CD44: variants seen among roughly 807,000 people sequenced by gnomAD.
The protein encoded by CD44 is CD44 antigen.
In CD44, 49 loss-of-function variants were observed where a neutral mutation model predicts 88.8. That is an observed-to-expected ratio of 0.55 (90% confidence interval 0.44 to 0.70). CD44 has a LOEUF of 0.70. CD44 is among the 30% of genes least tolerant of loss of function. CD44 has a pLI of 0.00. For missense variants in CD44, 883 were observed against 913.8 expected (o/e 0.97, Z 0.43); for synonymous variants, 325 against 312.3 (o/e 1.04, Z -0.43).
At position 35,182,704 on chromosome 11, in the gene CD44, G is replaced by C. The variant is rs151179554; in HGVS notation, c.367+2297G>C. 2.6e-3 allele frequency among the ~76,000 whole-genome samples: 392 copies of C among 152,328 alleles called. 1 individual carries two copies. Among genetic ancestry groups the C allele is most frequent in the African/African-American group, 9.0e-3 (373 of 41,564 alleles). ...CAGAGGGAGACATTGGGAAAAGCTT[G>C]TGCTTTAGATGAAGAGGTTGACTCA... On this transcript the variant is annotated intron_variant, in intron 3 of 17. Coordinates refer to ENST00000428726, the MANE Select transcript of CD44 (RefSeq NM_000610.4).
chr11:35,200,301 G>T (rs1947189341), intron 7 of CD44, among the ~76,000 whole-genome samples: 1 of 152,134 alleles, frequency 6.6e-6, no homozygotes, highest in Non-Finnish European at 1.5e-5. Flanking sequence ...TGATCCTTCT[G>T]TTAGGTGCAT....
At chr11:35,190,147 C>T (rs1374094576) in intron 5 of CD44, 82 bp downstream of exon 5, 21 of 1,208,464 alleles carry the variant, frequency 1.7e-5, no homozygotes, top group South Asian at 2.5e-5. Flanking sequence ...TGCACACTCA[C>T]GTGCTGATTT....
At chr11:35,163,729 C>A (rs1942928504) in intron 1 of CD44, among the ~76,000 whole-genome samples, 1 of 152,130 alleles carries the variant, frequency 6.6e-6, no homozygotes, top group Non-Finnish European at 1.5e-5. Flanking sequence ...TCCCTCCCCC[C>A]AGCTAAATGT....
At chr11:35,220,717 C>T (rs1039354224) in intron 16 of CD44, among the ~76,000 whole-genome samples, 4 of 148,742 alleles carry the variant, frequency 2.7e-5, no homozygotes, top group Non-Finnish European at 6.0e-5. Context: ...CAATTATTAT[C>T]AATCTCACCA....
At chr11:35,159,364 A>C (rs1187411447) in intron 1 of CD44, among the ~76,000 whole-genome samples, 1 of 152,184 alleles carries the variant, frequency 6.6e-6, no homozygotes, top group Non-Finnish European at 1.5e-5. Flanking sequence ...GAGTATTTAC[A>C]TGTGTGTCGG....
At chr11:35,196,559 T>G (rs773125263) in intron 5 of CD44, among the ~76,000 whole-genome samples, 187 bp from the exon 6 acceptor site, 4 of 152,186 alleles carry the variant, frequency 2.6e-5, no homozygotes, top group Non-Finnish European at 4.4e-5. Context: ...CTCTCTGACA[T>G]TCTATAAACT....
chr11:35,180,267 C>G lies in CD44; in HGVS notation c.234-7C>G. The G allele has an allele frequency of 6.2e-7, 1 of 1,613,716 alleles. No homozygotes were observed. The highest frequency in any genetic ancestry group is 2.2e-5 in the East Asian group (1 of 44,872). The stretch of plus-strand genomic sequence containing the variant: ...TAGGTCAATATCCTGTTGTTTTTCT[C>G]TTACAGGTATGGGTTCATAGAAGGG... On this transcript the variant is annotated splice_region_variant and splice_polypyrimidine_tract_variant and intron_variant, in intron 2 of 17. Transcript: ENST00000428726.
intron 5 of CD44, among the ~76,000 whole-genome samples, chr11:35,194,169 G>A (rs1452845755): frequency 1.3e-5 from 2 of 152,162 alleles, no homozygotes; most frequent in African/African-American, 4.8e-5. Flanking sequence ...GCTTGATTTT[G>A]CTTTGATCAT....
rs1709669332 is a variant in CD44, at chr11:35,186,705, G to T, written c.368-127G>T. On this transcript the variant is annotated intron_variant, in intron 3 of 17. Coordinates refer to ENST00000428726, the MANE Select transcript of CD44 (RefSeq NM_000610.4). ...AGAGAAATTCCTAGCCAACTTAGGA[G>T]TTTCGGAAAAAGAAAGTTATTTGGA... is the stretch of plus-strand genomic sequence containing the variant. 8 of 603,846 alleles carry T rather than the reference G, an allele frequency of 1.3e-5. No homozygotes were observed. In the South Asian group the frequency reaches 1.7e-4, roughly 13 times the overall value. 37.4% of individuals were successfully genotyped at this position (603,846 alleles called of 1,614,324 possible).
intron 17 of CD44, among the ~76,000 whole-genome samples, chr11:35,225,825 C>G (rs1398917962): frequency 1.3e-5 from 2 of 151,798 alleles, no homozygotes; most frequent in African/African-American, 4.9e-5. Context: ...AAAAACAAAA[C>G]AAAACAAACA....
rs776380188 is a variant in CD44, at chr11:35,210,006, T to C, written c.1558T>C (p.Leu520=). Residue 520 remains leucine (L), a synonymous_variant, in exon 13 of 18, where the codon TTG becomes CTG. Transcript: ENST00000428726. ...GAGCTTCTCTACATCACATGAAGGC[T>C]TGGAAGAAGATAAAGACCATCCAAC... ...SQSFSTSHEG[L]EEDKDHPTTS... 1.1e-5 allele frequency: 17 copies of C among 1,573,252 alleles called. No homozygotes were observed. In the South Asian group the frequency reaches 1.8e-4, roughly 16 times the overall value.
intron 13 of CD44, 31 bp downstream of exon 13, chr11:35,210,085 C>A: frequency 1.5e-6 from 2 of 1,308,970 alleles, no homozygotes; most frequent in African/African-American, 1.5e-5. Context: ...TTGGCTTCAG[C>A]TATTGATAAG....
chr11:35,168,949 G>C (rs920845514), intron 1 of CD44, among the ~76,000 whole-genome samples: 1 of 152,208 alleles, frequency 6.6e-6, no homozygotes, highest in Non-Finnish European at 1.5e-5. Context: ...AAAACTAAAA[G>C]TTGGTCTCTG....
chr11:35,140,263 G>A (rs191872283), intron 1 of CD44, among the ~76,000 whole-genome samples: 133 of 152,306 alleles, frequency 8.7e-4, no homozygotes, highest in Admixed American at 1.3e-3. Flanking sequence ...GAGGGGCTGC[G>A]TGTAAGGTAT....
rs912349554 is a variant in CD44, at chr11:35,222,514, G to A, written c.2024+782G>A. On this transcript the variant is annotated intron_variant, in intron 17 of 17. Coordinates refer to ENST00000428726, the MANE Select transcript of CD44 (RefSeq NM_000610.4). The stretch of plus-strand genomic sequence containing the variant: ...GTCACCTCGCTAGAACTGACACATG[G>A]GCTGTTTTTATATTCTTGAAGGCCA... 8.3e-6 allele frequency: 9 copies of A among 1,084,918 alleles called. No individual in the cohort carries two copies. The African/African-American group carries it at 1.5e-4, about 18-fold the overall frequency. The allele number at this position is 1,084,918 out of a possible 1,614,324, so 67.2% of individuals were successfully genotyped here.
intron 1 of CD44, among the ~76,000 whole-genome samples, chr11:35,141,876 G>A (rs1212186999): frequency 6.6e-6 from 1 of 152,210 alleles, no homozygotes; most frequent in Non-Finnish European, 1.5e-5. Context: ...GGAGAAGGAG[G>A]AAAGGGGAAG....
intron 11 of CD44, among the ~76,000 whole-genome samples, chr11:35,207,765 T>C (rs1948015306): frequency 6.6e-6 from 1 of 152,212 alleles, no homozygotes; most frequent in Non-Finnish European, 1.5e-5. Context: ...CTTTTCTCCA[T>C]GTGTCAGATT....
chr11:35,152,738 C>T (rs1370785505), intron 1 of CD44, among the ~76,000 whole-genome samples: 1 of 152,180 alleles, frequency 6.6e-6, no homozygotes, highest in Non-Finnish European at 1.5e-5. Flanking sequence ...CCCTCCTTAT[C>T]TAGGTGGGCC....
chr11:35,224,066 G>A (rs1328540933), intron 17 of CD44, among the ~76,000 whole-genome samples: 1 of 152,128 alleles, frequency 6.6e-6, no homozygotes, highest in African/African-American at 2.4e-5. Context: ...ATTTGAATTG[G>A]CTAATATTTA....
Sources: gnomAD v4.1 joint callset for allele counts (sites outside exome capture counted in the v4.1 genomes callset) on GRCh38, gnomAD v4.1.1 for gene constraint, MANE v1.5 for transcripts, NCBI Gene and HGNC (gene_info 2026-07-23, HGNC 2026-07-21) for gene names.